Variants in PPP1R1C observed in about 807,000 individuals in gnomAD.
PPP1R1C encodes protein phosphatase 1 regulatory inhibitor subunit 1C.
In PPP1R1C, 15 loss-of-function variants were observed where a neutral mutation model predicts 17.4. The observed-to-expected ratio is 0.86, with a 90% confidence interval of 0.58 to 1.33. The LOEUF (loss-of-function observed/expected upper bound fraction) is 1.33, where lower values mean the gene tolerates loss of function less well. Among genes scored for constraint, PPP1R1C ranks in the 40% most tolerant of loss-of-function variants. The probability of loss-of-function intolerance (pLI) is 0.00; values close to 1 mark genes in which losing one functional copy is unlikely to be tolerated. For synonymous variants in PPP1R1C, 35 were observed against 43.1 expected, an observed-to-expected ratio of 0.81 and a Z score of 0.73; for missense variants, 143 against 130.0, an observed-to-expected ratio of 1.10 and a Z score of -0.48.
chr2:182,004,223 T>C (rs757308304), intron 2 of PPP1R1C, among the ~76,000 whole-genome samples: 19 of 152,316 alleles, frequency 1.2e-4, no homozygotes, highest in Middle Eastern at 3.4e-3. Context: ...TTATCTAAAA[T>C]TTGCAGGTAT....
In PPP1R1C at chr2:182,015,347, C is replaced by T. The variant is rs562697970; in HGVS notation, c.142+27448C>T. Among the ~76,000 whole-genome samples, 6 of 152,280 alleles carry T rather than the reference C, an allele frequency of 3.9e-5. No individual in the cohort carries two copies. The South Asian group carries it at 1.0e-3, about 26-fold the overall frequency. Reference sequence around the variant, plus strand: ...GTAAGATGTGACTTGCTCCTTCTTGCCTTCTGCCATAATTGTGAGGCCTCC... The same window carrying T: ...GTAAGATGTGACTTGCTCCTTCTTGTCTTCTGCCATAATTGTGAGGCCTCC... On this transcript the variant is annotated intron_variant, in intron 2 of 4. Coordinates refer to ENST00000682840, the MANE Select transcript of PPP1R1C (RefSeq NM_001080545.3).
At chr2:182,027,623 T>C (rs1366628149) in intron 2 of PPP1R1C, among the ~76,000 whole-genome samples, 2 of 133,108 alleles carry the variant, frequency 1.5e-5, no homozygotes, top group Non-Finnish European at 3.2e-5. Flanking sequence ...CAGTATTTTA[T>C]TGAGGATTTT....
intron 1 of PPP1R1C, among the ~76,000 whole-genome samples, chr2:181,965,287 A>G (rs529816623): frequency 6.6e-6 from 1 of 152,290 alleles, no homozygotes; most frequent in Admixed American, 6.5e-5. Flanking sequence ...GCTATGCAGA[A>G]TCTTTTTAAC....
intron 4 of PPP1R1C, among the ~76,000 whole-genome samples, chr2:182,087,501 T>C (rs1365770881): frequency 7.9e-5 from 12 of 152,234 alleles, no homozygotes; most frequent in Admixed American, 7.2e-4. Flanking sequence ...TGATGCTTAA[T>C]ATCTGGACTT....
chr2:182,048,580 C>T (rs1574409498), intron 2 of PPP1R1C, among the ~76,000 whole-genome samples: 1 of 152,344 alleles, frequency 6.6e-6, no homozygotes, highest in South Asian at 2.1e-4. Context: ...GGCAAATATA[C>T]ATGCAAAATG....
chr2:182,039,452 A>C (rs1227969787), intron 2 of PPP1R1C, among the ~76,000 whole-genome samples: 1 of 152,136 alleles, frequency 6.6e-6, no homozygotes, highest in Non-Finnish European at 1.5e-5. Flanking sequence ...TGGTATGATC[A>C]TGGCTCACTG....
chr2:182,013,582 G>A (rs1686154455), intron 2 of PPP1R1C, among the ~76,000 whole-genome samples: 1 of 151,804 alleles, frequency 6.6e-6, no homozygotes, highest in Non-Finnish European at 1.5e-5. Flanking sequence ...TCTAGGTCTG[G>A]GAAGTTTTCT....
intron 2 of PPP1R1C, among the ~76,000 whole-genome samples, chr2:181,997,626 G>A (rs1464205735): frequency 6.6e-6 from 1 of 152,090 alleles, no homozygotes; most frequent in African/African-American, 2.4e-5. Flanking sequence ...AAAGTAAAGA[G>A]TATTTTAAAG....
intron 4 of PPP1R1C, among the ~76,000 whole-genome samples, chr2:182,110,297 G>C (rs1025624389): frequency 6.6e-6 from 1 of 151,894 alleles, no homozygotes; most frequent in Non-Finnish European, 1.5e-5. Context: ...ATAATACATT[G>C]TTATATGTTA....
Position 182,061,557 on chromosome 2 carries a change from A to G in PPP1R1C, c.180+78A>G, listed in dbSNP as rs1687851692. 6.9e-6 allele frequency: 5 copies of G among 727,002 alleles called. No homozygotes were observed. The South Asian group carries it at 1.0e-4, about 15-fold the overall frequency. 45.0% of individuals were successfully genotyped at this position (727,002 alleles called of 1,614,324 possible). Reference sequence around the variant, plus strand: ...AAAAATTTGCTTGATTTGATGTGATATAAATAATGATACAACTGTAATAAA... The same window carrying G: ...AAAAATTTGCTTGATTTGATGTGATGTAAATAATGATACAACTGTAATAAA... On this transcript the variant is annotated intron_variant, in intron 3 of 4. Transcript: ENST00000682840.
intron 2 of PPP1R1C, among the ~76,000 whole-genome samples, chr2:182,010,837 A>T (rs975721224): frequency 3.3e-5 from 5 of 151,966 alleles, no homozygotes; most frequent in Non-Finnish European, 7.4e-5. Flanking sequence ...ATACAGGGAT[A>T]CTGAATTTTG....
At chr2:181,973,885 A>C (rs1384016634) in intron 1 of PPP1R1C, among the ~76,000 whole-genome samples, 2 of 152,134 alleles carry the variant, frequency 1.3e-5, no homozygotes, top group East Asian at 3.8e-4. Flanking sequence ...TTCTTTTTAA[A>C]AAATATTTTG....
chr2:181,985,263 C>G (rs1270178105), upstream of PPP1R1C, among the ~76,000 whole-genome samples: 3 of 152,164 alleles, frequency 2.0e-5, no homozygotes, highest in Admixed American at 6.6e-5. This position sits in a 1 kb window ranked among gnomAD's most constrained non-coding sequence, Gnocchi z 4.1. Context: ...AATGTTGGAA[C>G]AGGATGGGAC....
chr2:181,973,578 A>G (rs1004454386), intron 1 of PPP1R1C, among the ~76,000 whole-genome samples: 1 of 152,232 alleles, frequency 6.6e-6, no homozygotes, highest in Admixed American at 6.5e-5. Context: ...GTCAAGTTTT[A>G]TAGTGATAAT....
At chr2:181,954,950 C>A (rs1371411337) in intron 1 of PPP1R1C, among the ~76,000 whole-genome samples, 1 of 152,124 alleles carries the variant, frequency 6.6e-6, no homozygotes, top group Non-Finnish European at 1.5e-5. Context: ...GTGGAGTTCT[C>A]AAATCCTAAT....
intron 4 of PPP1R1C, among the ~76,000 whole-genome samples, chr2:182,077,945 C>T (rs1688363045): frequency 6.6e-6 from 1 of 152,138 alleles, no homozygotes; most frequent in African/African-American, 2.4e-5. Context: ...CTTTGGGAGG[C>T]CAAGGAGGAC....
chr2:182,001,450 C>G (rs1685765535), intron 2 of PPP1R1C, among the ~76,000 whole-genome samples: 1 of 152,106 alleles, frequency 6.6e-6, no homozygotes, highest in South Asian at 2.1e-4. Flanking sequence ...ACTGAATACA[C>G]AATCAATTTG....
intron 2 of PPP1R1C, among the ~76,000 whole-genome samples, chr2:182,048,581 A>T (rs977000141): frequency 3.3e-5 from 5 of 152,260 alleles, no homozygotes; most frequent in African/African-American, 9.6e-5. Flanking sequence ...GCAAATATAC[A>T]TGCAAAATGA....
At chr2:182,051,895 G>C (rs1486516452) in intron 2 of PPP1R1C, among the ~76,000 whole-genome samples, 1 of 152,044 alleles carries the variant, frequency 6.6e-6, no homozygotes, top group Non-Finnish European at 1.5e-5. Context: ...CAGCTACTCA[G>C]GAGGCTGAGG....
Sources: allele counts gnomAD v4.1 joint callset (sites outside exome capture counted in the v4.1 genomes callset), GRCh38; gene constraint gnomAD v4.1.1; non-coding constraint Gnocchi (gnomAD v3.1); transcripts MANE v1.5; gene names NCBI Gene and HGNC (gene_info 2026-07-23, HGNC 2026-07-21).